The following ZNF804A variants were observed in gnomAD, a reference collection of about 807,000 sequenced individuals.
ZNF804A encodes the protein zinc finger protein 804A.
Under a neutral mutation model 16.5 loss-of-function variants are expected in ZNF804A, and 2 were observed. That is an observed-to-expected ratio of 0.12 (90% CI 0.05 to 0.38). The LOEUF is 0.38. Ranked by LOEUF, ZNF804A falls within the 10% of genes least tolerant of loss-of-function variation. The pLI is 0.99. For synonymous variants in ZNF804A, 534 were observed against 489.6 expected (o/e 1.09, Z -1.20); for missense variants, 1,473 against 1,390.7 (o/e 1.06, Z -0.94).
chr2:184,891,309 G>A (rs1012566985), intron 2 of ZNF804A, among the ~76,000 whole-genome samples: 3 of 151,996 alleles, frequency 2.0e-5, no homozygotes, highest in Non-Finnish European at 4.4e-5. Context: ...CTTTAGTCTT[G>A]TCTATACTCT....
rs1300852164 is a variant in ZNF804A at position 184,937,704 on chromosome 2, C to T, written c.2308C>T (p.Arg770Ter). 3 of 1,613,854 alleles carry T rather than the reference C, an allele frequency of 1.9e-6. No individual in the cohort carries two copies. Among genetic ancestry groups the T allele is most frequent in the East Asian group, 2.2e-5 (1 of 44,860 alleles). ...SVMNESERFY[R>*]KRRQHSHSYS... Reference sequence around the variant, plus strand: ...CATGAATGAATCAGAAAGATTCTATCGAAAACGTAGACAACATTCACATTC... The same window carrying T: ...CATGAATGAATCAGAAAGATTCTATTGAAAACGTAGACAACATTCACATTC... Residue 770 changes from arginine (R) to a stop codon, truncating the protein, a stop_gained, in exon 4 of 4, where the codon CGA becomes TGA. Transcript: ENST00000302277. LOFTEE classifies it low-confidence loss of function (END_TRUNC).
chr2:184,924,420 A>T (rs1254428727), intron 2 of ZNF804A, among the ~76,000 whole-genome samples: 2 of 151,554 alleles, frequency 1.3e-5, no homozygotes, highest in African/African-American at 2.4e-5. Flanking sequence ...CTCTCCTTTT[A>T]CATCTCTCAT....
Position 184,743,318 on chromosome 2 carries a change from G to T in ZNF804A, c.112-123051G>T, listed in dbSNP as rs573223709. Among the ~76,000 whole-genome samples the T allele has an allele frequency of 3.3e-5, 5 of 152,060 alleles. No individual in the cohort carries two copies. The South Asian group carries it at 1.0e-3, about 32-fold the overall frequency. On this transcript the variant is annotated intron_variant, in intron 1 of 3. Transcript: ENST00000302277. ...GCAAGTTACATCAACTCTATTTCAA[G>T]AATTATTGGGAATGCATCTATTTGT...
At chr2:184,872,546 T>C (rs919840286) in intron 2 of ZNF804A, among the ~76,000 whole-genome samples, 1 of 152,052 alleles carries the variant, frequency 6.6e-6, no homozygotes, top group Non-Finnish European at 1.5e-5. Context: ...TAAACCTAAA[T>C]GATAAACCTA....
At chr2:184,718,786 C>G (rs900093574) in intron 1 of ZNF804A, among the ~76,000 whole-genome samples, 2 of 152,166 alleles carry the variant, frequency 1.3e-5, no homozygotes, top group Non-Finnish European at 2.9e-5. Flanking sequence ...CTCCTGGCTG[C>G]TTTGACAGAC....
chr2:184,616,141 C>CT (rs564106687), intron 1 of ZNF804A, among the ~76,000 whole-genome samples: 54 of 152,090 alleles, frequency 3.6e-4, no homozygotes, highest in Admixed American at 5.9e-4. Flanking sequence ...TAGAATTTTA[C>CT]TTTTTTTTCA....
intron 1 of ZNF804A, among the ~76,000 whole-genome samples, chr2:184,816,701 C>G (rs1195017426): frequency 6.6e-6 from 1 of 151,932 alleles, no homozygotes; most frequent in East Asian, 1.9e-4. Flanking sequence ...CCCTGACTTG[C>G]TAAACCTTTG....
chr2:184,935,796 G>T lies in ZNF804A; in HGVS notation c.400G>T (p.Gly134Cys). The T allele has an allele frequency of 6.2e-7, 1 of 1,604,062 alleles. No homozygotes were observed. Among genetic ancestry groups the T allele is most frequent in the Non-Finnish European group, 8.5e-7 (1 of 1,175,260 alleles). Residue 134 changes from glycine to cysteine, a missense_variant, in exon 4 of 4, where the codon GGC becomes TGC. Physicochemically the swap from Gly to Cys is radical, Grantham distance 159. Transcript: ENST00000302277. The part of the protein sequence containing the change: ...RKETVCAPGS[G>C]PMFKSTTVTV... ...TTCTCTCTCTAGTGCTCCTGGAAGT[G>T]GCCCCATGTTCAAATCAACAACTGT...
At chr2:184,681,742 G>A (rs1692543960) in intron 1 of ZNF804A, among the ~76,000 whole-genome samples, 8 of 152,244 alleles carry the variant, frequency 5.3e-5, no homozygotes, top group Admixed American at 5.2e-4. Flanking sequence ...GCCAGGAACA[G>A]GAGGGAGTCC....
At position 184,611,939 on chromosome 2, in the gene ZNF804A, C is replaced by T. The variant is rs548368039; in HGVS notation, c.111+12869C>T. On this transcript the variant is annotated intron_variant, in intron 1 of 3. Transcript: ENST00000302277. ...GATATTGCTGACATAGAGTTGATGA[C>T]CAATTATATCTTCATTAGGTGTCAC... Among the ~76,000 whole-genome samples the T allele has an allele frequency of 3.3e-5, 5 of 152,208 alleles. No homozygotes were observed. The South Asian group carries it at 1.0e-3, about 32-fold the overall frequency.
At chr2:184,726,468 G>A (rs941181013) in intron 1 of ZNF804A, among the ~76,000 whole-genome samples, 4 of 151,424 alleles carry the variant, frequency 2.6e-5, no homozygotes, top group Non-Finnish European at 5.9e-5. Flanking sequence ...ATAAAATTCT[G>A]CTACATTATC....
chr2:184,628,242 G>A (rs1691539261), intron 1 of ZNF804A, among the ~76,000 whole-genome samples: 1 of 152,114 alleles, frequency 6.6e-6, no homozygotes, highest in Admixed American at 6.5e-5. Context: ...TTGAACTGGG[G>A]AGGAGGAAGT....
At chr2:184,809,984 T>G (rs917076980) in intron 1 of ZNF804A, among the ~76,000 whole-genome samples, 1 of 152,166 alleles carries the variant, frequency 6.6e-6, no homozygotes, top group Non-Finnish European at 1.5e-5. Context: ...CAATTAATTT[T>G]CAATAAATGT....
chr2:184,736,215 T>C (rs769029045), intron 1 of ZNF804A, among the ~76,000 whole-genome samples: 1 of 152,200 alleles, frequency 6.6e-6, no homozygotes, highest in Non-Finnish European at 1.5e-5. Context: ...ATGATTTCCA[T>C]GTGATCCTGA....
intron 1 of ZNF804A, among the ~76,000 whole-genome samples, chr2:184,800,051 G>C (rs940896370): frequency 1.3e-5 from 2 of 151,870 alleles, no homozygotes; most frequent in African/African-American, 4.8e-5. Context: ...TTGTATCTAA[G>C]TTATCAGATA....
At chr2:184,911,860 C>CT (rs1467364689) in intron 2 of ZNF804A, among the ~76,000 whole-genome samples, 2 of 151,508 alleles carry the variant, frequency 1.3e-5, no homozygotes, top group Admixed American at 6.6e-5. Context: ...TTCTTTTTTC[C>CT]TTTTTTTCCT....
intron 1 of ZNF804A, among the ~76,000 whole-genome samples, chr2:184,736,018 G>C (rs1012186363): frequency 1.3e-5 from 2 of 152,146 alleles, no homozygotes; most frequent in African/African-American, 4.8e-5. Flanking sequence ...TGAAAGATAG[G>C]AAATGTACCG....
intron 1 of ZNF804A, among the ~76,000 whole-genome samples, chr2:184,616,583 A>G (rs1407449913): frequency 6.6e-6 from 1 of 152,180 alleles, no homozygotes; most frequent in Admixed American, 6.6e-5. Context: ...TTTATCAGAC[A>G]GAACGTAAGA....
At chr2:184,769,796 C>G (rs1694184344) in intron 1 of ZNF804A, among the ~76,000 whole-genome samples, 1 of 151,914 alleles carries the variant, frequency 6.6e-6, no homozygotes. Flanking sequence ...GAACTGTGTT[C>G]TTTGCATTCA....
Sources: allele counts gnomAD v4.1 joint callset (sites outside exome capture counted in the v4.1 genomes callset), GRCh38; gene constraint gnomAD v4.1.1; transcripts MANE v1.5; gene names NCBI Gene and HGNC (gene_info 2026-07-23, HGNC 2026-07-21).